AGL: variants seen among roughly 807,000 people sequenced by gnomAD.
AGL encodes the protein glycogen debranching enzyme.
AGL carries 128 observed loss-of-function variants against 199.3 expected under a neutral mutation model. The observed-to-expected ratio is 0.64, with a 90% confidence interval of 0.56 to 0.74. AGL has a LOEUF of 0.74. Ranked by LOEUF, AGL falls within the 30% of genes least tolerant of loss-of-function variation. The probability of loss-of-function intolerance (pLI) is 0.00; values close to 1 mark genes in which losing one functional copy is unlikely to be tolerated. For missense variants in AGL, 1,809 were observed against 1,820.8 expected, an observed-to-expected ratio of 0.99 and a Z score of 0.12; for synonymous variants, 584 against 594.7, an observed-to-expected ratio of 0.98 and a Z score of 0.26.
At chr1:99,852,351 CTTTT>C (rs11363065) in intron 2 of AGL, among the ~76,000 whole-genome samples, 6 of 97,522 alleles carry the variant, frequency 6.2e-5, no homozygotes, top group Non-Finnish European at 9.5e-5. Flanking sequence ...GCATTCATTT[CTTTT>C]TTTTTTTTTT....
chr1:99,861,473 T>G, intron 2 of AGL, 30 bp from the exon 3 acceptor site: 1 of 1,613,416 alleles, frequency 6.2e-7, no homozygotes, highest in African/African-American at 1.3e-5. Context: ...AGTCCTACGA[T>G]GAGTTTATTA....
intron 33 of AGL, among the ~76,000 whole-genome samples, chr1:99,918,222 A>C (rs547599410): frequency 6.6e-6 from 1 of 152,326 alleles, no homozygotes; most frequent in South Asian, 2.1e-4. Flanking sequence ...TGTTTTGATA[A>C]GAAATCTGCA....
chr1:99,903,724 A>G (rs1212315734), intron 27 of AGL, among the ~76,000 whole-genome samples: 3 of 152,220 alleles, frequency 2.0e-5, no homozygotes, highest in Non-Finnish European at 4.4e-5. Context: ...GACTTCCACA[A>G]TGGTTGAACT....
chr1:99,912,208 T>C (rs151017592), intron 28 of AGL, among the ~76,000 whole-genome samples, 197 bp from the exon 29 acceptor site: 11 of 152,270 alleles, frequency 7.2e-5, no homozygotes, highest in African/African-American at 2.4e-4. Context: ...TAAAATTATG[T>C]GAGGATGATA....
Position 99,862,163 on chromosome 1 carries a change from G to A in AGL, c.294-94G>A. On this transcript the variant is annotated intron_variant, in intron 3 of 33. Transcript: ENST00000361915. ...TTAGAAATAAATACATTTTATTTGGGACAATTAACCTTTTAGTTAGAGTCA... is the reference window on the plus strand; with the variant it reads ...TTAGAAATAAATACATTTTATTTGGAACAATTAACCTTTTAGTTAGAGTCA... 9.1e-6 allele frequency: 11 copies of A among 1,215,418 alleles called. 1 individual carries two copies. The South Asian group carries it at 1.4e-4, about 15-fold the overall frequency. 75.3% of individuals were successfully genotyped at this position (1,215,418 alleles called of 1,614,324 possible). A position where few individuals can be genotyped will look rare whatever the true frequency, so the allele number is the denominator to read the frequency against.
intron 4 of AGL, among the ~76,000 whole-genome samples, chr1:99,862,883 G>A (rs1252587540): frequency 6.6e-6 from 1 of 151,922 alleles, no homozygotes; most frequent in East Asian, 1.9e-4. Flanking sequence ...ATATCTTTTT[G>A]CCTCTATGTT....
chr1:99,894,618 A>G lies in AGL; in HGVS notation c.3260-1668A>G, dbSNP rs568424655. ...CCGTCATTTTGGAGACAACATAGGTAGGAAAAAGGTCTAATTCTTATCTTT... is the reference window on the plus strand; with the variant it reads ...CCGTCATTTTGGAGACAACATAGGTGGGAAAAAGGTCTAATTCTTATCTTT... On this transcript the variant is annotated intron_variant, in intron 24 of 33. Transcript: ENST00000361915. Among the ~76,000 whole-genome samples, 12 of 152,350 alleles carry G rather than the reference A, an allele frequency of 7.9e-5. No homozygotes were observed. The East Asian group carries it at 2.1e-3, about 27-fold the overall frequency.
intron 31 of AGL, 82 bp from the exon 32 acceptor site, chr1:99,916,328 C>G: frequency 9.3e-7 from 1 of 1,079,874 alleles, no homozygotes; most frequent in Non-Finnish European, 1.4e-6. Context: ...TTTCTCTTAC[C>G]TTTGTTATTG....
chr1:99,863,720 A>AT (rs1196405363), intron 4 of AGL, among the ~76,000 whole-genome samples: 1 of 144,746 alleles, frequency 6.9e-6, no homozygotes, highest in Non-Finnish European at 1.5e-5. Flanking sequence ...AAGTGCTGGG[A>AT]TTACAGGCAT....
rs532521910 is a variant in AGL at position 99,899,946 on chromosome 1, T to G, written c.3363-690T>G. 1.3e-4 allele frequency among the ~76,000 whole-genome samples: 20 copies of G among 151,898 alleles called. No homozygotes were observed. The South Asian group carries it at 4.2e-3, about 32-fold the overall frequency. On this transcript the variant is annotated intron_variant, in intron 25 of 33. Coordinates refer to ENST00000361915, the MANE Select transcript of AGL (RefSeq NM_000642.3). Reference sequence around the variant, plus strand: ...TCTTTCTTTTCTTTCTTCTTTTTTTTTTTGATAGAGTCTTGCTCTGTTGCC... The same window carrying G: ...TCTTTCTTTTCTTTCTTCTTTTTTTGTTTGATAGAGTCTTGCTCTGTTGCC...
At chr1:99,882,552 A>G (rs749076643) in intron 17 of AGL, among the ~76,000 whole-genome samples, 5 of 152,194 alleles carry the variant, frequency 3.3e-5, no homozygotes, top group Non-Finnish European at 7.3e-5. Flanking sequence ...GGATCTTTCA[A>G]GGTCTAAAGT....
rs764022108 is a variant in AGL at position 99,884,169 on chromosome 1, G to T, written c.2358G>T (p.Thr786=). 2.5e-6 allele frequency: 4 copies of T among 1,612,812 alleles called. No homozygotes were observed. The highest frequency in any genetic ancestry group is 3.4e-6 in the Non-Finnish European group (4 of 1,179,078). ...AAGCTAGAACTATTGAGAGAAACAC[G>T]AAACCTTATAGGAAGGATGAGAATT... ...VLEARTIERN[T]KPYRKDENSI... Residue 786 remains threonine (T), a synonymous_variant, in exon 18 of 34, where the codon ACG becomes ACT. Coordinates refer to ENST00000361915, the MANE Select transcript of AGL (RefSeq NM_000642.3).
At chr1:99,851,460 C>A (rs1392551251) in intron 2 of AGL, among the ~76,000 whole-genome samples, 3 of 152,124 alleles carry the variant, frequency 2.0e-5, no homozygotes, top group Non-Finnish European at 4.4e-5. Context: ...TAAATTACTT[C>A]ATATGTAATT....
rs1057516870 is a variant in AGL, at chr1:99,851,064, C to T, written c.22C>T (p.Arg8Ter). ...CAAAATGGGACACAGTAAACAGATTCGAATTTTACTTCTGAACGAAATGGA... is the reference window on the plus strand; with the variant it reads ...CAAAATGGGACACAGTAAACAGATTTGAATTTTACTTCTGAACGAAATGGA... MGHSKQI[R>*]ILLLNEMEKL... The change falls in exon 2 of 34, where the codon CGA (arginine) becomes TGA (stop). Residue 8 changes from arginine (R) to a stop codon, truncating the protein, a stop_gained. Transcript: ENST00000361915. LOFTEE classifies it high-confidence loss of function. The T allele has an allele frequency of 2.5e-6, 4 of 1,613,882 alleles. No individual in the cohort carries two copies. Among genetic ancestry groups the T allele is most frequent in the Non-Finnish European group, 3.4e-6 (4 of 1,179,916 alleles).
intron 26 of AGL, among the ~76,000 whole-genome samples, chr1:99,901,309 G>T (rs1653817379): frequency 6.7e-6 from 1 of 150,102 alleles, no homozygotes; most frequent in Admixed American, 6.7e-5. Flanking sequence ...TTCTCAGGAG[G>T]CTGAGGCAGA....
intron 26 of AGL, among the ~76,000 whole-genome samples, chr1:99,901,822 T>A (rs1263778317): frequency 6.6e-6 from 1 of 151,956 alleles, no homozygotes; most frequent in Non-Finnish European, 1.5e-5. Flanking sequence ...TATATTTGTG[T>A]TCTCATGATA....
intron 24 of AGL, among the ~76,000 whole-genome samples, chr1:99,895,156 C>A (rs141300470): frequency 7.2e-5 from 11 of 152,232 alleles, no homozygotes; most frequent in African/African-American, 2.4e-4. Flanking sequence ...TCAAGCAATT[C>A]TCCTGCCTCA....
Position 99,892,551 on chromosome 1 carries a change from A to G in AGL, c.3203A>G (p.Tyr1068Cys), listed in dbSNP as rs147165298. Residue 1068 changes from tyrosine to cysteine, a missense_variant, in exon 24 of 34, where the codon TAT (tyrosine) becomes TGT (cysteine). Physicochemically the swap from Tyr to Cys is radical, Grantham distance 194 (BLOSUM62 -2). Transcript: ENST00000361915. The part of the protein sequence containing the change: ...ILSPALMDVP[Y>C]RLNEITKEKE... ...TCACCTGCCCTAATGGATGTACCTT[A>G]TAGGTTAAATGAGATCACAAAAGAA... is the stretch of plus-strand genomic sequence containing the variant. 3.1e-4 allele frequency: 506 copies of G among 1,613,624 alleles called. 5 individuals carry two copies. In the African/African-American group the frequency reaches 5.8e-3, roughly 18 times the overall value.
chr1:99,859,408 T>C (rs1018835218), intron 2 of AGL, among the ~76,000 whole-genome samples: 13 of 61,202 alleles, frequency 2.1e-4, no homozygotes, highest in African/African-American at 1.5e-3. Flanking sequence ...CCTGCCTTTT[T>C]CCCGTTTGTA....
Sources: allele counts gnomAD v4.1 joint callset (sites outside exome capture counted in the v4.1 genomes callset), GRCh38; gene constraint gnomAD v4.1.1; transcripts MANE v1.5; gene names NCBI Gene and HGNC (gene_info 2026-07-23, HGNC 2026-07-21).